PCDHGA6: variants seen among roughly 807,000 people sequenced by gnomAD.
The protein encoded by PCDHGA6 is protocadherin gamma-A6.
In PCDHGA6, 41 loss-of-function variants were observed where a neutral mutation model predicts 60.6. The ratio of observed to expected loss-of-function variants is 0.68; its 90% CI spans 0.53 to 0.88. PCDHGA6 has a LOEUF of 0.88. PCDHGA6 is among the 40% of genes least tolerant of loss of function. The pLI, the probability that PCDHGA6 is intolerant of heterozygous loss-of-function variation, is 0.00. For synonymous variants in PCDHGA6, 594 were observed against 524.4 expected, an observed-to-expected ratio of 1.13 and a Z score of -1.81; for missense variants, 1,312 against 1,203.0, an observed-to-expected ratio of 1.09 and a Z score of -1.34.
chr5:141,464,524 T>C (rs2099086175), intron 1 of PCDHGA6, among the ~76,000 whole-genome samples: 1 of 152,094 alleles, frequency 6.6e-6, no homozygotes, highest in Non-Finnish European at 1.5e-5. Context: ...AAGGCATATG[T>C]AGTTTTGTTA....
At chr5:141,495,392 G>A (rs2099760968) in intron 2 of PCDHGA6, among the ~76,000 whole-genome samples, 2 of 152,186 alleles carry the variant, frequency 1.3e-5, no homozygotes, top group Non-Finnish European at 2.9e-5. Context: ...GGCGGGGCAT[G>A]GAGCAGGCCC....
At chr5:141,464,913 AT>A (rs1366203949) in intron 1 of PCDHGA6, among the ~76,000 whole-genome samples, 1 of 151,428 alleles carries the variant, frequency 6.6e-6, no homozygotes, top group Non-Finnish European at 1.5e-5. Context: ...TAATTTTTTT[AT>A]TTTTTTGTAG....
In PCDHGA6 at chr5:141,432,365, G is replaced by A. The variant is rs1561860587; in HGVS notation, c.2424+55858G>A. The A allele has an allele frequency of 6.2e-7, 1 of 1,614,224 alleles. No homozygotes were observed. The highest frequency in any genetic ancestry group is 2.2e-5 in the East Asian group (1 of 44,882). ...CTTGCAAGTGAAAGTGATGGCGCGG[G>A]ACAACGGGCACCCGCCCCTCAGCAG... On this transcript the variant is annotated intron_variant, in intron 1 of 3. Transcript: ENST00000517434. The surrounding 1 kb of genome is among the most constrained non-coding windows in gnomAD (Gnocchi z 6.0).
In PCDHGA6 at chr5:141,487,161, T is replaced by C; in HGVS notation, c.2425-7646T>C. Reference sequence around the variant, plus strand: ...CTCTCTACCTCTGTTACTCTCTTAGTGTCCTTAGAGGAAGACACTCATCCA... The same window carrying C: ...CTCTCTACCTCTGTTACTCTCTTAGCGTCCTTAGAGGAAGACACTCATCCA... On this transcript the variant is annotated intron_variant, in intron 1 of 3. Coordinates refer to ENST00000517434, the MANE Select transcript of PCDHGA6 (RefSeq NM_018919.3). This position sits in a 1 kb window ranked among gnomAD's most constrained non-coding sequence, Gnocchi z 5.0. 6.2e-7 allele frequency: 1 copy of C among 1,613,528 alleles called. No homozygotes were observed.
intron 1 of PCDHGA6, among the ~76,000 whole-genome samples, chr5:141,471,046 CTTTT>C (rs1170588345): frequency 5.3e-5 from 6 of 113,264 alleles, no homozygotes; most frequent in Admixed American, 9.3e-5. Context: ...CCCAAGCCCT[CTTTT>C]TTTTTTTTTT....
chr5:141,476,038 G>A lies in PCDHGA6; in HGVS notation c.2425-18769G>A, dbSNP rs1426234941. 1.3e-6 allele frequency: 2 copies of A among 1,484,842 alleles called. No homozygotes were observed. Among genetic ancestry groups the A allele is most frequent in the Non-Finnish European group, 1.8e-6 (2 of 1,118,086 alleles). 92.0% of individuals were successfully genotyped at this position (1,484,842 alleles called of 1,614,324 possible). The stretch of plus-strand genomic sequence containing the variant: ...GTCGGACTCGGCGCCCAGCGCCCAA[G>A]CGCTAACCCGCTGAAAGTTTCTCAG... On this transcript the variant is annotated intron_variant, in intron 1 of 3. Coordinates refer to ENST00000517434, the MANE Select transcript of PCDHGA6 (RefSeq NM_018919.3). The surrounding 1 kb of genome is among the most constrained non-coding windows in gnomAD (Gnocchi z 7.6).
intron 1 of PCDHGA6, chr5:141,415,006 C>T (rs1353721901): frequency 1.2e-6 from 2 of 1,613,652 alleles, no homozygotes; most frequent in Non-Finnish European, 8.5e-7. Flanking sequence ...GCTGTCCTAC[C>T]GTCTGCTCAA....
In PCDHGA6 at chr5:141,395,432, G is replaced by A. The variant is rs963118371; in HGVS notation, c.2424+18925G>A. ...GTTATTGTTTCATTTGCTTTTAAAC[G>A]ACTTGGAAAAGATTGTTCAACCATT... On this transcript the variant is annotated intron_variant, in intron 1 of 3. Coordinates refer to ENST00000517434, the MANE Select transcript of PCDHGA6 (RefSeq NM_018919.3). The A allele has an allele frequency of 8.6e-6, 6 of 701,470 alleles. No homozygotes were observed. In the African/African-American group the frequency reaches 9.1e-5, roughly 11 times the overall value. The allele number at this position is 701,470 out of a possible 1,614,324, so 43.5% of individuals were successfully genotyped here. A position where few individuals can be genotyped will look rare whatever the true frequency, so the allele number is the denominator to read the frequency against.
chr5:141,438,152 G>A (rs184819165), intron 1 of PCDHGA6, among the ~76,000 whole-genome samples: 1 of 152,250 alleles, frequency 6.6e-6, no homozygotes, highest in African/African-American at 2.4e-5. Flanking sequence ...CCAGCCTATG[G>A]CAAAGCTAAT....
In PCDHGA6 at chr5:141,431,213, TTCCC is replaced by T. The variant is rs1373533151; in HGVS notation, c.2424+54709_2424+54712del. 1 of 1,614,142 alleles carries T rather than the reference TTCCC, an allele frequency of 6.2e-7. No homozygotes were observed. Among genetic ancestry groups the T allele is most frequent in the Admixed American group, 1.7e-5 (1 of 60,020 alleles). On this transcript the variant is annotated intron_variant, in intron 1 of 3. Transcript: ENST00000517434. This position sits in a 1 kb window ranked among gnomAD's most constrained non-coding sequence, Gnocchi z 4.8. ...TGAAAATGCAGCCACTGAGATGCGGTTCCCTCTACCCCACGCCTGGGATCCGGAT... is the reference window on the plus strand; with the variant it reads ...TGAAAATGCAGCCACTGAGATGCGGTTCTACCCCACGCCTGGGATCCGGAT...
At chr5:141,394,536 G>T in intron 1 of PCDHGA6, 2 of 1,614,188 alleles carry the variant, frequency 1.2e-6, no homozygotes, top group Non-Finnish European at 1.7e-6. Flanking sequence ...TTCCACTGGC[G>T]TGGAGCTGGC....
chr5:141,495,545 A>G (rs1174346915), intron 2 of PCDHGA6, among the ~76,000 whole-genome samples: 3 of 151,824 alleles, frequency 2.0e-5, no homozygotes, highest in Non-Finnish European at 4.4e-5. Flanking sequence ...CTCAGTCTCT[A>G]TCTCGCTTTG....
intron 1 of PCDHGA6, chr5:141,389,258 C>G: frequency 6.2e-7 from 1 of 1,614,022 alleles, no homozygotes; most frequent in Non-Finnish European, 8.5e-7. Context: ...ATATAGTCCA[C>G]GTGGCCGAGA....
rs376452870 is a variant in PCDHGA6 at position 141,423,273 on chromosome 5, G to A, written c.2424+46766G>A. 34 of 1,613,778 alleles carry A rather than the reference G, an allele frequency of 2.1e-5. No homozygotes were observed. In the African/African-American group the frequency reaches 4.4e-4, roughly 21 times the overall value. Reference sequence around the variant, plus strand: ...CGGACCTCGGCAGCCTCGAGTCTCTGGCTAACTCTGAAACCTCAGACCTCT... The same window carrying A: ...CGGACCTCGGCAGCCTCGAGTCTCTAGCTAACTCTGAAACCTCAGACCTCT... On this transcript the variant is annotated intron_variant, in intron 1 of 3. Coordinates refer to ENST00000517434, the MANE Select transcript of PCDHGA6 (RefSeq NM_018919.3).
At chr5:141,418,718 A>G (rs1334115906) in intron 1 of PCDHGA6, 4 of 1,613,912 alleles carry the variant, frequency 2.5e-6, no homozygotes, top group Non-Finnish European at 3.4e-6. Flanking sequence ...TGTGGCTGAC[A>G]AAGCTCAGCA....
chr5:141,383,695 G>T (rs373055594), intron 1 of PCDHGA6: 1 of 1,613,974 alleles, frequency 6.2e-7, no homozygotes, highest in Non-Finnish European at 8.5e-7. Context: ...CACGGTACAT[G>T]CTATCGACCT....
Position 141,373,942 on chromosome 5 carries a change from G to C in PCDHGA6, c.-142G>C. The C allele has an allele frequency of 1.4e-6, 1 of 734,326 alleles. No individual in the cohort carries two copies. The highest frequency in any genetic ancestry group is 1.8e-5 in the African/African-American group (1 of 55,642). 45.5% of individuals were successfully genotyped at this position (734,326 alleles called of 1,614,324 possible). On this transcript the variant is annotated 5_prime_UTR_variant, in exon 1 of 4. Coordinates refer to ENST00000517434, the MANE Select transcript of PCDHGA6 (RefSeq NM_018919.3). ...AATTAGACGGGAAAGCAGGAAAGCTGTGCAGAAATTCTGACCTGAAACGCT... is the reference window on the plus strand; with the variant it reads ...AATTAGACGGGAAAGCAGGAAAGCTCTGCAGAAATTCTGACCTGAAACGCT...
intron 1 of PCDHGA6, chr5:141,417,227 T>G (rs2096097098): frequency 6.6e-6 from 1 of 152,172 alleles, no homozygotes; most frequent in South Asian, 2.1e-4. Flanking sequence ...ACAAAAAAAT[T>G]TGTTGCTTAT....
intron 1 of PCDHGA6, among the ~76,000 whole-genome samples, chr5:141,446,182 G>A (rs1411996595): frequency 6.6e-6 from 1 of 152,118 alleles, no homozygotes; most frequent in African/African-American, 2.4e-5. Flanking sequence ...GGGGTGTTTT[G>A]TTTATTATTA....
Sources: gnomAD v4.1 joint callset for allele counts (sites outside exome capture counted in the v4.1 genomes callset) on GRCh38, gnomAD v4.1.1 for gene constraint, Gnocchi (gnomAD v3.1) non-coding constraint, MANE v1.5 for transcripts, NCBI Gene and HGNC (gene_info 2026-07-23, HGNC 2026-07-21) for gene names.